Variants in LIMCH1 observed in about 807,000 individuals in gnomAD.
LIMCH1 encodes LIM and calponin homology domains-containing protein 1.
Under a neutral mutation model 176.5 loss-of-function variants are expected in LIMCH1, and 113 were observed. The ratio of observed to expected loss-of-function variants is 0.64; its 90% CI spans 0.55 to 0.75. The LOEUF (loss-of-function observed/expected upper bound fraction) is 0.75. LIMCH1 is among the 30% of genes least tolerant of loss of function. The pLI is 0.00. For synonymous variants in LIMCH1, 619 were observed against 645.9 expected (o/e 0.96, Z 0.63); for missense variants, 1,674 against 1,814.9 (o/e 0.92, Z 1.41).
At chr4:41,550,889 A>G (rs2080308901) in intron 1 of LIMCH1, among the ~76,000 whole-genome samples, 1 of 152,188 alleles carries the variant, frequency 6.6e-6, no homozygotes, top group African/African-American at 2.4e-5. Flanking sequence ...TATAACTTTT[A>G]TAATCGGGGC....
intron 7 of LIMCH1, among the ~76,000 whole-genome samples, chr4:41,624,459 C>T (rs1436840807): frequency 2.0e-5 from 3 of 151,918 alleles, no homozygotes; most frequent in Non-Finnish European, 4.4e-5. Flanking sequence ...CCTTGGGTAT[C>T]GGGGACCAGT....
At chr4:41,587,830 C>T (rs1310481949) in intron 1 of LIMCH1, among the ~76,000 whole-genome samples, 1 of 152,204 alleles carries the variant, frequency 6.6e-6, no homozygotes, top group Non-Finnish European at 1.5e-5. Context: ...ACTGACTCGT[C>T]ATCATTCTAA....
intron 1 of LIMCH1, among the ~76,000 whole-genome samples, chr4:41,430,924 G>T (rs936734877): frequency 6.6e-6 from 1 of 151,820 alleles, no homozygotes; most frequent in Non-Finnish European, 1.5e-5. Flanking sequence ...TGCTGAAATT[G>T]GAAATAAACC....
At chr4:41,513,532 A>G (rs1252781837) in intron 2 of LIMCH1, among the ~76,000 whole-genome samples, 2 of 152,082 alleles carry the variant, frequency 1.3e-5, no homozygotes, top group African/African-American at 4.8e-5. Flanking sequence ...CCAACTCCTA[A>G]CTCTTCTTTA....
intron 1 of LIMCH1, among the ~76,000 whole-genome samples, chr4:41,455,394 G>A (rs922798533): frequency 2.0e-5 from 3 of 152,182 alleles, no homozygotes; most frequent in African/African-American, 7.2e-5. Flanking sequence ...ATTGTATGGA[G>A]TGGGGAGAAA....
At chr4:41,519,553 T>C (rs530878457) in intron 2 of LIMCH1, among the ~76,000 whole-genome samples, 2 of 152,344 alleles carry the variant, frequency 1.3e-5, no homozygotes, top group Admixed American at 1.3e-4. Context: ...ACCTGGTGTT[T>C]GCTAGGCAAG....
intron 1 of LIMCH1, among the ~76,000 whole-genome samples, chr4:41,577,377 A>G (rs548946602): frequency 2.0e-5 from 3 of 152,346 alleles, no homozygotes; most frequent in Non-Finnish European, 4.4e-5. Flanking sequence ...TTAAAATTAT[A>G]CATCCTAGTG....
At chr4:41,505,391 A>T (rs535936195) in intron 2 of LIMCH1, among the ~76,000 whole-genome samples, 1 of 152,296 alleles carries the variant, frequency 6.6e-6, no homozygotes, top group South Asian at 2.1e-4. Context: ...AGGCATTTGG[A>T]TTATACTTTC....
Position 41,633,666 on chromosome 4 carries a change from C to T in LIMCH1, c.1948C>T (p.Arg650Ter), listed in dbSNP as rs1403956416. The change falls in exon 13 of 32, where the codon CGA becomes TGA. Residue 650 changes from arginine (R) to a stop codon, truncating the protein, a stop_gained. Transcript: ENST00000503057. LOFTEE classifies it high-confidence loss of function. ...AGGCCAGCGAAAGTTGGATGATTCACGAAAAGATGACATGATGGCCAGGAG... is the reference window on the plus strand; with the variant it reads ...AGGCCAGCGAAAGTTGGATGATTCATGAAAAGATGACATGATGGCCAGGAG... ...LKGQRKLDDSRKDDMMARRTG... is the reference protein window; with the variant it reads ...LKGQRKLDDS 144 of 1,535,994 alleles carry T rather than the reference C, an allele frequency of 9.4e-5. No homozygotes were observed. The highest frequency in any genetic ancestry group is 1.4e-4 in the Admixed American group (7 of 50,976).
At position 41,656,032 on chromosome 4, in the gene LIMCH1, G is replaced by A. The variant is rs555911299; in HGVS notation, c.3037-5388G>A. ...CAGTCAGCACCATCCCATCAGGTTCGTGGCAATTTTCCCTCATTGAGCAAG... is the reference window on the plus strand; with the variant it reads ...CAGTCAGCACCATCCCATCAGGTTCATGGCAATTTTCCCTCATTGAGCAAG... On this transcript the variant is annotated intron_variant, in intron 18 of 31. Transcript: ENST00000503057. 4.6e-5 allele frequency among the ~76,000 whole-genome samples: 7 copies of A among 152,256 alleles called. No homozygotes were observed. The East Asian group carries it at 5.8e-4, about 13-fold the overall frequency.
chr4:41,512,864 T>C (rs1554079596), intron 2 of LIMCH1, among the ~76,000 whole-genome samples: 1 of 152,174 alleles, frequency 6.6e-6, no homozygotes, highest in Non-Finnish European at 1.5e-5. Flanking sequence ...TACAAAAATA[T>C]TGAATTCTAC....
chr4:41,662,782 T>G, intron 19 of LIMCH1, 39 bp from the exon 20 acceptor site: 1 of 1,609,716 alleles, frequency 6.2e-7, no homozygotes, highest in Non-Finnish European at 8.5e-7. Context: ...TTTGATTTTC[T>G]TTTCCTTCTG....
rs538364881 is a variant in LIMCH1, at chr4:41,635,016, C to T, written c.2090+1208C>T. Among the ~76,000 whole-genome samples, 17 of 152,246 alleles carry T rather than the reference C, an allele frequency of 1.1e-4. No homozygotes were observed. In the South Asian group the frequency reaches 2.5e-3, roughly 22 times the overall value. On this transcript the variant is annotated intron_variant, in intron 13 of 31. Coordinates refer to ENST00000503057, the MANE Select transcript of LIMCH1 (RefSeq NM_001330672.2). Reference sequence around the variant, plus strand: ...AGACTGCCTACTGGATACATTTAGGCGCTCTCCCATTCATTTATTCCTTAC... The same window carrying T: ...AGACTGCCTACTGGATACATTTAGGTGCTCTCCCATTCATTTATTCCTTAC...
At chr4:41,415,736 G>A (rs764368871) in intron 1 of LIMCH1, among the ~76,000 whole-genome samples, 23 of 152,136 alleles carry the variant, frequency 1.5e-4, no homozygotes, top group Non-Finnish European at 3.4e-4. Flanking sequence ...CCAGCACTTT[G>A]GGAGGTCAGG....
In LIMCH1 at chr4:41,502,907, TCACA is replaced by T. The variant is rs71650929; in HGVS notation, c.167+8329_167+8332del. On this transcript the variant is annotated intron_variant, in intron 2 of 26. Transcript: ENST00000313860. ...TTATGTGAATAAGCACGGAGGTAAA[TCACA>T]CACACACACACACACACACACACAC... 4.2e-4 allele frequency among the ~76,000 whole-genome samples: 60 copies of T among 142,192 alleles called. 1 individual carries two copies. The highest frequency in any genetic ancestry group is 3.7e-3 in the South Asian group (16 of 4,380). The allele number at this position is 142,192 out of a possible 152,430, so 93.3% of individuals were successfully genotyped here. A position where few individuals can be genotyped will look rare whatever the true frequency, so the allele number is the denominator to read the frequency against.
intron 1 of LIMCH1, among the ~76,000 whole-genome samples, chr4:41,585,712 T>G (rs1280577002): frequency 6.6e-6 from 1 of 152,196 alleles, no homozygotes; most frequent in Non-Finnish European, 1.5e-5. Flanking sequence ...ATTTTCTGTC[T>G]TTTTAAAAAC....
At chr4:41,532,668 C>G (rs561607028) in intron 3 of LIMCH1, among the ~76,000 whole-genome samples, 47 of 152,322 alleles carry the variant, frequency 3.1e-4, no homozygotes, top group Admixed American at 2.8e-3. Context: ...TGGTTGTTCA[C>G]TGATGTGCTT....
intron 23 of LIMCH1, among the ~76,000 whole-genome samples, chr4:41,677,279 C>T (rs1349386058): frequency 6.6e-6 from 1 of 151,828 alleles, no homozygotes; most frequent in Non-Finnish European, 1.5e-5. Flanking sequence ...GGCGTGGTGT[C>T]ACATGCCTGT....
chr4:41,640,122 A>G lies in LIMCH1; in HGVS notation c.2126+1155A>G, dbSNP rs187393719. On this transcript the variant is annotated intron_variant, in intron 14 of 31. Transcript: ENST00000503057. ...GTTTCCCATGTGTGATCTGACATAA[A>G]GAACACTCATGCCTCAAAACCAAAT... 3.0e-3 allele frequency among the ~76,000 whole-genome samples: 453 copies of G among 152,350 alleles called. 4 individuals are homozygous for G. The highest frequency in any genetic ancestry group is 0.01 in the African/African-American group (436 of 41,580).
Sources: gnomAD v4.1 joint callset for allele counts (sites outside exome capture counted in the v4.1 genomes callset) on GRCh38, gnomAD v4.1.1 for gene constraint, MANE v1.5 for transcripts, NCBI Gene and HGNC (gene_info 2026-07-23, HGNC 2026-07-21) for gene names.